Variants in HEG1 observed in about 807,000 individuals in gnomAD.
HEG1 encodes protein HEG homolog 1.
A neutral mutation model predicts 125.6 loss-of-function variants in HEG1; 56 were observed. The observed-to-expected ratio is 0.45, with a 90% CI of 0.36 to 0.56. HEG1 has a LOEUF of 0.56. HEG1 is among the 20% of genes least tolerant of loss of function. HEG1 has a pLI of 0.00. For missense variants in HEG1, 1,523 were observed against 1,670.0 expected (o/e 0.91, Z 1.53); for synonymous variants, 644 against 668.5 (o/e 0.96, Z 0.57).
At chr3:124,974,110 A>G (rs1161341681) in intron 15 of HEG1, among the ~76,000 whole-genome samples, 1 of 152,182 alleles carries the variant, frequency 6.6e-6, no homozygotes, top group Non-Finnish European at 1.5e-5. Context: ...AAAAAGATAC[A>G]AAAATTCTTC....
At position 124,994,235 on chromosome 3, in the gene HEG1, T is replaced by C. The variant is rs1019946721; in HGVS notation, c.3653-3249A>G. Among the ~76,000 whole-genome samples the C allele has an allele frequency of 4.6e-5, 7 of 152,352 alleles. No individual in the cohort carries two copies. The East Asian group carries it at 9.7e-4, about 21-fold the overall frequency. On this transcript the variant is annotated intron_variant, in intron 12 of 16. Transcript: ENST00000311127. Reference sequence around the variant, plus strand: ...GGTCCACACTCCTATGAGAATCTAATGCTGCCGCTGATGTGACAGGAGGCG... The same window carrying C: ...GGTCCACACTCCTATGAGAATCTAACGCTGCCGCTGATGTGACAGGAGGCG...
chr3:124,991,342 GTT>G (rs1412532703), intron 12 of HEG1, among the ~76,000 whole-genome samples: 4 of 151,982 alleles, frequency 2.6e-5, no homozygotes, highest in African/African-American at 9.7e-5. Flanking sequence ...TAGAGATGGG[GTT>G]TCACCCTGTT....
At position 124,973,723 on chromosome 3, in the gene HEG1, A is replaced by G. The variant is rs767789241; in HGVS notation, c.3996+8T>C. ...GCCCTGGGGTCATCCTGACACAGGA[A>G]TACACACCGAGTAGTACACATCCGT... On this transcript the variant is annotated splice_region_variant and intron_variant, in intron 16 of 16. Coordinates refer to ENST00000311127, the MANE Select transcript of HEG1 (RefSeq NM_020733.2). 6.2e-7 allele frequency: 1 copy of G among 1,606,408 alleles called. No individual in the cohort carries two copies. The highest frequency in any genetic ancestry group is 8.5e-7 in the Non-Finnish European group (1 of 1,176,420).
chr3:125,010,680 A>T lies in HEG1; in HGVS notation c.2957-125T>A, dbSNP rs548960605. ...CTTATTTCTGTTTACTTGCCCTGAA[A>T]GGCCACATTACAAAAGTAAAATGGG... On this transcript the variant is annotated intron_variant, in intron 6 of 16. Coordinates refer to ENST00000311127, the MANE Select transcript of HEG1 (RefSeq NM_020733.2). The T allele has an allele frequency of 2.5e-5, 17 of 680,994 alleles. No individual in the cohort carries two copies. The African/African-American group carries it at 2.9e-4, about 11-fold the overall frequency. 42.2% of individuals were successfully genotyped at this position (680,994 alleles called of 1,614,324 possible).
Position 124,967,457 on chromosome 3 carries a change from A to ATTTTTT in HEG1, c.*3189_*3194dup, listed in dbSNP as rs11299422. On this transcript the variant is annotated 3_prime_UTR_variant, in exon 17 of 17. Coordinates refer to ENST00000311127, the MANE Select transcript of HEG1 (RefSeq NM_020733.2). ...GCACATTTTCAAAAGGGTAGTCAGC[A>ATTTTTT]TTTTTTTTTTTTTTTTTTTGCATTT... 1 of 125,394 alleles carries ATTTTTT rather than the reference A, an allele frequency of 8.0e-6. No individual in the cohort carries two copies. The allele number at this position is 125,394 out of a possible 1,614,324, so 7.8% of individuals were successfully genotyped here. A position where few individuals can be genotyped will look rare whatever the true frequency, so the allele number is the denominator to read the frequency against.
chr3:125,047,792 G>A (rs562175667), intron 1 of HEG1, among the ~76,000 whole-genome samples: 24 of 152,258 alleles, frequency 1.6e-4, no homozygotes, highest in African/African-American at 5.5e-4. Context: ...ATGACAAGCA[G>A]GTGTCTCTCT....
At chr3:125,014,049 G>A (rs1937205783) in intron 5 of HEG1, 59 bp from the exon 6 acceptor site, 2 of 1,415,498 alleles carry the variant, frequency 1.4e-6, no homozygotes, top group African/African-American at 1.4e-5. Context: ...TCTGAAATAT[G>A]CACTATCAAA....
At chr3:125,030,021 T>G (rs1463748845) in intron 1 of HEG1, among the ~76,000 whole-genome samples, 1 of 152,216 alleles carries the variant, frequency 6.6e-6, no homozygotes, top group Non-Finnish European at 1.5e-5. Flanking sequence ...TGATGGAAAT[T>G]TATTGATAGA....
chr3:125,011,877 C>G (rs1295484351), intron 6 of HEG1, among the ~76,000 whole-genome samples: 1 of 152,198 alleles, frequency 6.6e-6, no homozygotes, highest in Non-Finnish European at 1.5e-5. Context: ...ATCCTACTTC[C>G]TTCTACCGTT....
At chr3:125,032,278 G>A (rs926906468) in intron 1 of HEG1, among the ~76,000 whole-genome samples, 3 of 152,200 alleles carry the variant, frequency 2.0e-5, no homozygotes, top group African/African-American at 7.2e-5. Flanking sequence ...GGGTTAGGGG[G>A]TGAAGATTAT....
At chr3:124,980,295 C>CT (rs544923171) in intron 14 of HEG1, among the ~76,000 whole-genome samples, 2 of 152,166 alleles carry the variant, frequency 1.3e-5, no homozygotes, top group Non-Finnish European at 2.9e-5. Context: ...CTGTGGCTCC[C>CT]TTTTTTCCTA....
chr3:124,989,262 T>A (rs1408297860), intron 14 of HEG1, among the ~76,000 whole-genome samples: 1 of 152,232 alleles, frequency 6.6e-6, no homozygotes, highest in Admixed American at 6.5e-5. Context: ...TGAAACTTGC[T>A]AATAGAAAAC....
At chr3:125,020,611 G>C (rs1279953575) in intron 4 of HEG1, among the ~76,000 whole-genome samples, 181 bp downstream of exon 4, 1 of 152,104 alleles carries the variant, frequency 6.6e-6, no homozygotes, top group Non-Finnish European at 1.5e-5. Context: ...GAAAGCAGGA[G>C]GAATGACACC....
rs373757516 is a variant in HEG1 at position 125,002,283 on chromosome 3, G to A, written c.3330C>T (p.Tyr1110=). Residue 1110 remains tyrosine (Y), a synonymous_variant, in exon 10 of 17, where the codon TAC becomes TAT. Coordinates refer to ENST00000311127, the MANE Select transcript of HEG1 (RefSeq NM_020733.2). ...LNMCFSALPS[Y]IRSTVHASRE... ...TAGAGGCGTGAACTGTAGATCGGAT[G>A]TAACTAGGTAACGCTGAAAAACACA... 5.5e-4 allele frequency: 888 copies of A among 1,613,596 alleles called. No homozygotes were observed. Among genetic ancestry groups the A allele is most frequent in the Non-Finnish European group, 7.2e-4 (848 of 1,179,710 alleles).
chr3:125,033,198 G>A (rs759278872), intron 1 of HEG1, among the ~76,000 whole-genome samples: 3 of 152,158 alleles, frequency 2.0e-5, no homozygotes, highest in Non-Finnish European at 4.4e-5. Flanking sequence ...TGGCAAGTAA[G>A]TAAAGAATCA....
intron 1 of HEG1, among the ~76,000 whole-genome samples, chr3:125,052,132 T>G (rs13325388): frequency 0.071 from 7,859 of 110,956 alleles, 372 homozygotes; most frequent in African/African-American, 0.18. Context: ...CCTTGCCCCC[T>G]CCCGCCTCCC....
At chr3:125,023,997 T>A (rs1937377930) in intron 3 of HEG1, among the ~76,000 whole-genome samples, 1 of 152,188 alleles carries the variant, frequency 6.6e-6, no homozygotes, top group African/African-American at 2.4e-5. Context: ...ACGTCACATC[T>A]GCAATCTTCT....
chr3:125,039,683 G>T (rs1004717009), intron 1 of HEG1, among the ~76,000 whole-genome samples: 11 of 151,932 alleles, frequency 7.2e-5, no homozygotes, highest in African/African-American at 2.7e-4. Context: ...TCCTCATATA[G>T]CACATGGGGA....
At chr3:124,980,398 C>T (rs1278959810) in intron 14 of HEG1, among the ~76,000 whole-genome samples, 1 of 152,202 alleles carries the variant, frequency 6.6e-6, no homozygotes, top group African/African-American at 2.4e-5. Flanking sequence ...TAGAAGTGAC[C>T]CTTTCAAGTG....
Sources: allele counts gnomAD v4.1 joint callset (sites outside exome capture counted in the v4.1 genomes callset), GRCh38; gene constraint gnomAD v4.1.1; transcripts MANE v1.5; gene names NCBI Gene and HGNC (gene_info 2026-07-23, HGNC 2026-07-21).